Variants in RTL4 observed in about 807,000 individuals in gnomAD.
RTL4 encodes retrotransposon Gag-like protein 4.
In RTL4, 4 loss-of-function variants were observed where a neutral mutation model predicts 5.3. The observed-to-expected ratio is 0.75, with a 90% CI of 0.37 to 1.72. RTL4 has a LOEUF of 1.72. Ranked by LOEUF, RTL4 falls within the 40% of genes most tolerant of loss-of-function variation. The pLI is 0.04. For missense variants in RTL4, 260 were observed against 227.1 expected (o/e 1.14, Z -0.93); for synonymous variants, 98 against 87.3 (o/e 1.12, Z -0.68).
chrX:112,208,256 C>G, the RTL4 span, among the ~76,000 whole-genome samples: 1 of 111,701 alleles, frequency 9.0e-6, no homozygotes, highest in Non-Finnish European at 1.9e-5. Flanking sequence ...GATGCTTAGA[C>G]AGATGATGAC....
the RTL4 span, among the ~76,000 whole-genome samples, chrX:112,223,317 G>A: frequency 8.9e-6 from 1 of 112,301 alleles, no homozygotes; most frequent in South Asian, 3.7e-4. Flanking sequence ...ATACAATACA[G>A]ATAATTCCCT....
the RTL4 span, among the ~76,000 whole-genome samples, chrX:112,203,320 A>G: frequency 9.0e-6 from 1 of 111,685 alleles, no homozygotes; most frequent in Non-Finnish European, 1.9e-5. Context: ...AAGCTAAGAC[A>G]TCTTTGCCTA....
the RTL4 span, among the ~76,000 whole-genome samples, chrX:112,305,032 T>G: frequency 9.0e-6 from 1 of 111,028 alleles, no homozygotes; most frequent in South Asian, 3.9e-4. Context: ...AAGCTGTCAG[T>G]AGCTTATGGA....
chrX:112,278,185 A>G, the RTL4 span, among the ~76,000 whole-genome samples: 6 of 112,643 alleles, frequency 5.3e-5, no homozygotes, highest in South Asian at 2.2e-3. Context: ...CCAGTTGCAT[A>G]TGTAACCTAA....
chrX:112,111,763 A>G, the RTL4 span, among the ~76,000 whole-genome samples: 1 of 112,065 alleles, frequency 8.9e-6, no homozygotes, highest in East Asian at 2.8e-4. Context: ...ATTCTCCACA[A>G]ATGAACTTCC....
the RTL4 span, among the ~76,000 whole-genome samples, chrX:112,088,564 G>T: frequency 8.9e-6 from 1 of 111,734 alleles, no homozygotes; most frequent in African/African-American, 3.3e-5. Flanking sequence ...AAATCTTTTG[G>T]AGACCTACCT....
chrX:112,199,630 G>T, the RTL4 span, among the ~76,000 whole-genome samples: 7 of 111,460 alleles, frequency 6.3e-5, no homozygotes, highest in Non-Finnish European at 1.1e-4. Flanking sequence ...TTAGATTCAA[G>T]AAAGGATTAT....
At chrX:112,406,384 AG>A in the RTL4 span, among the ~76,000 whole-genome samples, 1,362 of 111,335 alleles carry the variant, frequency 0.012, 22 homozygotes, top group African/African-American at 0.042. Flanking sequence ...AAGTGGGAGC[AG>A]GCACTTCACA....
chrX:112,207,224 T>A, the RTL4 span, among the ~76,000 whole-genome samples: 20 of 111,797 alleles, frequency 1.8e-4, no homozygotes, highest in East Asian at 5.7e-3. Flanking sequence ...ACCACTTCTC[T>A]TAACTCCATT....
chrX:112,092,909 C>T, the RTL4 span, among the ~76,000 whole-genome samples: 8 of 111,474 alleles, frequency 7.2e-5, no homozygotes, highest in Admixed American at 2.9e-4. Context: ...TGCCCAGTCT[C>T]AGGTATGTCT....
At chrX:112,224,252 G>A in the RTL4 span, among the ~76,000 whole-genome samples, 1 of 111,215 alleles carries the variant, frequency 9.0e-6, no homozygotes, top group African/African-American at 3.3e-5. Flanking sequence ...TGAGCTTGGA[G>A]AATTGCATTT....
At chrX:112,457,186 C>T (rs1254825716), downstream of RTL4, 1 of 123,028 alleles carries the variant, frequency 8.1e-6, no homozygotes, top group Non-Finnish European at 1.9e-5. Flanking sequence ...AATACTTAAA[C>T]CTAACTAGGA....
the RTL4 span, among the ~76,000 whole-genome samples, chrX:112,115,026 G>C: frequency 5.4e-5 from 6 of 110,851 alleles, no homozygotes; most frequent in African/African-American, 1.6e-4. Flanking sequence ...GGTCAAATTG[G>C]TCCCAATGGC....
the RTL4 span, among the ~76,000 whole-genome samples, chrX:112,210,686 T>G: frequency 8.9e-6 from 1 of 112,187 alleles, no homozygotes; most frequent in Non-Finnish European, 1.9e-5. Flanking sequence ...TCTAGTCAGT[T>G]GATTTGCATT....
the RTL4 span, among the ~76,000 whole-genome samples, chrX:112,170,678 C>G: frequency 1.8e-5 from 2 of 111,663 alleles, no homozygotes; most frequent in Non-Finnish European, 3.8e-5. Context: ...GATACAGGAT[C>G]ATGTTATTTG....
the RTL4 span, among the ~76,000 whole-genome samples, chrX:112,090,518 A>C: frequency 9.0e-6 from 1 of 110,957 alleles, no homozygotes; most frequent in African/African-American, 3.3e-5. Flanking sequence ...TTTTTCCTTC[A>C]TTCTATTAAT....
At chrX:112,287,488 T>C in the RTL4 span, among the ~76,000 whole-genome samples, 3 of 111,991 alleles carry the variant, frequency 2.7e-5, no homozygotes, top group Non-Finnish European at 5.6e-5. Context: ...ATCTTGGACG[T>C]ATTCATTGAC....
the RTL4 span, among the ~76,000 whole-genome samples, chrX:112,267,541 C>T: frequency 3.6e-5 from 4 of 111,603 alleles, no homozygotes; most frequent in African/African-American, 9.8e-5. Context: ...TATTTGTACT[C>T]GTTGCCTTGG....
the RTL4 span, among the ~76,000 whole-genome samples, chrX:112,285,878 G>T: frequency 1.8e-5 from 2 of 111,421 alleles, no homozygotes; most frequent in African/African-American, 3.3e-5. Context: ...CTTCACCCAT[G>T]CCTGCTCCTA....
Sources: gnomAD v4.1 joint callset for allele counts (sites outside exome capture counted in the v4.1 genomes callset) on GRCh38, gnomAD v4.1.1 for gene constraint, MANE v1.5 for transcripts, NCBI Gene and HGNC (gene_info 2026-07-23, HGNC 2026-07-21) for gene names.